SCAF4: variants seen among roughly 807,000 people sequenced by gnomAD.
SCAF4 encodes the protein SR-related CTD associated factor 4.
A neutral mutation model predicts 129.8 loss-of-function variants in SCAF4; 25 were observed. The ratio of observed to expected loss-of-function variants is 0.19; its 90% CI spans 0.14 to 0.27. The LOEUF is 0.27. Among genes scored for constraint, SCAF4 ranks in the 10% least tolerant of loss-of-function variants. SCAF4 has a pLI of 1.00. For missense variants in SCAF4, 1,246 were observed against 1,457.1 expected, an observed-to-expected ratio of 0.86 and a Z score of 2.36; for synonymous variants, 551 against 497.7, an observed-to-expected ratio of 1.11 and a Z score of -1.43.
intron 12 of SCAF4, 107 bp from the exon 13 acceptor site, chr21:31,692,556 C>T (rs2050284266): frequency 2.2e-5 from 15 of 674,720 alleles, no homozygotes; most frequent in Non-Finnish European, 3.8e-5. Flanking sequence ...TATATTACAA[C>T]ACCACAAGTT....
At chr21:31,711,592 T>G (rs2123634258) in intron 1 of SCAF4, among the ~76,000 whole-genome samples, 1 of 152,300 alleles carries the variant, frequency 6.6e-6, no homozygotes, top group East Asian at 1.9e-4. Context: ...GTGGTAAAAT[T>G]CAATCTGTAA....
Position 31,693,326 on chromosome 21 carries a change from C to G in SCAF4, c.1481G>C (p.Gly494Ala). The G allele has an allele frequency of 6.6e-7, 1 of 1,517,746 alleles. No homozygotes were observed. Among genetic ancestry groups the G allele is most frequent in the Non-Finnish European group, 9.0e-7 (1 of 1,117,062 alleles). The allele number at this position is 1,517,746 out of a possible 1,614,324, so 94.0% of individuals were successfully genotyped here. A position where few individuals can be genotyped will look rare whatever the true frequency, so the allele number is the denominator to read the frequency against. The change falls in exon 12 of 20, where the codon GGC (glycine) becomes GCC (alanine). Residue 494 changes from glycine (G) to alanine (A), a missense_variant. This residue lies in a region of SCAF4 where 468 missense variants were observed against 605.5 expected (regional missense o/e 0.77). Transcript: ENST00000286835. ...REKERERRQKGLPQVKPETAS... is the reference protein window; with the variant it reads ...REKERERRQKALPQVKPETAS... ...AGTTTCCGGTTTCACTTGAGGGAGG[C>G]CTTTTTGTCGACGTTCTCTCTCTTT...
rs760844131 is a variant in SCAF4, at chr21:31,685,230, A to G, written c.2307T>C (p.Ala769=). 12 of 1,596,088 alleles carry G rather than the reference A, an allele frequency of 7.5e-6. No homozygotes were observed. The highest frequency in any genetic ancestry group is 1.7e-6 in the Non-Finnish European group (2 of 1,164,950). Residue 769 remains alanine (A), a synonymous_variant, in exon 19 of 20, where the codon GCT becomes GCC. Coordinates refer to ENST00000286835, the MANE Select transcript of SCAF4 (RefSeq NM_020706.2). ...PPISIPNSTI[A]GINEDTTKDL... ...CTTTTGTAGTGTCTTCATTTATACC[A>G]GCGATAGTAGCTAAGGAATATAATT... is the stretch of plus-strand genomic sequence containing the variant.
At position 31,693,380 on chromosome 21, in the gene SCAF4, G is replaced by A. The variant is rs764979793; in HGVS notation, c.1427C>T (p.Ser476Phe). The change falls in exon 12 of 20, where the codon TCT (serine) becomes TTT (phenylalanine). Residue 476 changes from serine to phenylalanine, a missense_variant. By Grantham distance (155) the Ser-to-Phe change is radical (BLOSUM62 -2). Around this residue, in one of 6 missense-constraint regions of SCAF4, gnomAD observed 468 missense variants for 605.5 expected, o/e 0.77. Transcript: ENST00000286835. ...TCGATCCCGTCTTTCTTGAGATCGA[G>A]ATCGGGGAGAATGTCGGCGTCTATC... ...SRDRRRHSPR[S>F]RSQERRDREK... is the part of the protein sequence containing the mutation. 6.3e-7 allele frequency: 1 copy of A among 1,582,994 alleles called. No individual in the cohort carries two copies. Among genetic ancestry groups the A allele is most frequent in the African/African-American group, 1.4e-5 (1 of 74,002 alleles).
intron 4 of SCAF4, among the ~76,000 whole-genome samples, chr21:31,702,587 G>C (rs1178167048): frequency 6.6e-6 from 1 of 151,864 alleles, no homozygotes; most frequent in Non-Finnish European, 1.5e-5. Flanking sequence ...AAGGAACAGA[G>C]ATGGACTATA....
At chr21:31,695,784 A>G (rs1207162431) in intron 9 of SCAF4, among the ~76,000 whole-genome samples, 3 of 152,238 alleles carry the variant, frequency 2.0e-5, no homozygotes, top group Non-Finnish European at 2.9e-5. Flanking sequence ...AGCCCTCTAA[A>G]GTATCTAACC....
chr21:31,704,191 C>T (rs1221763825), intron 3 of SCAF4, among the ~76,000 whole-genome samples: 1 of 151,990 alleles, frequency 6.6e-6, no homozygotes, highest in Non-Finnish European at 1.5e-5. Context: ...GTCCCAAAAT[C>T]GACATTACTT....
chr21:31,726,049 CTTT>C (rs899443141), intron 1 of SCAF4, among the ~76,000 whole-genome samples: 36 of 142,408 alleles, frequency 2.5e-4, no homozygotes, highest in African/African-American at 7.7e-4. Context: ...TGGCCCTTAA[CTTT>C]TTTTTTTTTT....
intron 1 of SCAF4, among the ~76,000 whole-genome samples, chr21:31,723,213 T>C (rs541761757): frequency 1.3e-5 from 2 of 152,260 alleles, no homozygotes; most frequent in East Asian, 1.9e-4. Flanking sequence ...TCAATTTTAA[T>C]AGTCATTGAC....
At chr21:31,692,486 T>C (rs2050282714) in intron 12 of SCAF4, 37 bp from the exon 13 acceptor site, 2 of 1,405,368 alleles carry the variant, frequency 1.4e-6, no homozygotes, top group South Asian at 2.3e-5. Context: ...AGATTCACAT[T>C]TGATAATGAG....
At chr21:31,677,803 T>G (rs112906052) in intron 19 of SCAF4, among the ~76,000 whole-genome samples, 8 of 152,272 alleles carry the variant, frequency 5.3e-5, no homozygotes, top group Non-Finnish European at 1.2e-4. Flanking sequence ...TGGGGCTACC[T>G]TGAATTCTAA....
At chr21:31,677,966 T>C (rs1292907797) in intron 19 of SCAF4, among the ~76,000 whole-genome samples, 6 of 152,214 alleles carry the variant, frequency 3.9e-5, no homozygotes, top group Admixed American at 3.9e-4. Flanking sequence ...CACGTGGAAC[T>C]ATGTCTACCT....
rs1402909086 is a variant in SCAF4, at chr21:31,671,427, G to A, written c.3416C>T (p.Ser1139Phe). The A allele has an allele frequency of 1.2e-6, 2 of 1,613,994 alleles. No individual in the cohort carries two copies. Among genetic ancestry groups the A allele is most frequent in the Non-Finnish European group, 1.7e-6 (2 of 1,179,906 alleles). ...ACGAGGAGCCTCTGCTGCTGAGCCA[G>A]AATCCTTTTCGGGTTCAACGGATGA... is the stretch of plus-strand genomic sequence containing the variant. ...ATSSVEPEKD[S>F]GSAAEAPR The change falls in exon 20 of 20, where the codon TCT (serine) becomes TTT (phenylalanine). Residue 1139 changes from serine to phenylalanine, a missense_variant. By Grantham distance (155) the Ser-to-Phe change is radical. Coordinates refer to ENST00000286835, the MANE Select transcript of SCAF4 (RefSeq NM_020706.2).
At chr21:31,677,816 C>T (rs370822646) in intron 19 of SCAF4, among the ~76,000 whole-genome samples, 39 of 152,262 alleles carry the variant, frequency 2.6e-4, no homozygotes, top group African/African-American at 6.7e-4. Flanking sequence ...AATTCTAACA[C>T]GGCTACTTGT....
rs563639636 is a variant in SCAF4, at chr21:31,713,057, TCTCA to T, written c.31-6704_31-6701del. Among the ~76,000 whole-genome samples, 895 of 152,352 alleles carry T rather than the reference TCTCA, an allele frequency of 5.9e-3. 4 individuals carry two copies. Among genetic ancestry groups the T allele is most frequent in the Non-Finnish European group, 8.6e-3 (584 of 68,028 alleles). On this transcript the variant is annotated intron_variant, in intron 1 of 19. Coordinates refer to ENST00000286835, the MANE Select transcript of SCAF4 (RefSeq NM_020706.2). ...TTTCCATTTATGCATGGTATATTTT[TCTCA>T]CTCTAAAACAAAATGAACTTGTTAG...
intron 7 of SCAF4, among the ~76,000 whole-genome samples, chr21:31,697,971 C>T (rs1448009476): frequency 6.6e-6 from 1 of 152,160 alleles, no homozygotes; most frequent in Admixed American, 6.5e-5. Context: ...AATATTTTTA[C>T]TACCATCTTT....
rs532144591 is a variant in SCAF4, at chr21:31,688,332, G to A, written c.2018C>T (p.Ala673Val). The stretch of plus-strand genomic sequence containing the variant: ...CTGTGGAGGTGGCACTGTTATAGGT[G>A]CAGGAACAGGAATAGGAGGGACAGG... ...PVPVPPIPVP[A>V]PITVPPPQVP... is the part of the protein sequence containing the mutation. The change falls in exon 16 of 20, where the codon GCA becomes GTA. Residue 673 changes from alanine to valine, a missense_variant. Transcript: ENST00000286835. The A allele has an allele frequency of 6.2e-7, 1 of 1,613,556 alleles. No homozygotes were observed. Among genetic ancestry groups the A allele is most frequent in the East Asian group, 2.2e-5 (1 of 44,862 alleles).
rs1199681479 is a variant in SCAF4 at position 31,696,241 on chromosome 21, C to G, written c.960-20G>C. On this transcript the variant is annotated intron_variant, in intron 8 of 19. Coordinates refer to ENST00000286835, the MANE Select transcript of SCAF4 (RefSeq NM_020706.2). ...AAGCCACTAAAAAAAGGTGGATAAT[C>G]TTTTACCCATTCAAAAGCACAAGCT... 4 of 1,586,482 alleles carry G rather than the reference C, an allele frequency of 2.5e-6. No homozygotes were observed. The highest frequency in any genetic ancestry group is 3.5e-6 in the Non-Finnish European group (4 of 1,155,594).
intron 7 of SCAF4, among the ~76,000 whole-genome samples, chr21:31,697,221 G>GA (rs886310670): frequency 2.6e-5 from 4 of 151,266 alleles, no homozygotes; most frequent in Non-Finnish European, 5.9e-5. Context: ...TATAAAAAAA[G>GA]AAAAAAAATG....
Sources: gnomAD v4.1 joint callset for allele counts (sites outside exome capture counted in the v4.1 genomes callset) on GRCh38, gnomAD v4.1.1 for gene constraint, gnomAD v4.1.1 regional missense constraint, MANE v1.5 for transcripts, NCBI Gene and HGNC (gene_info 2026-07-23, HGNC 2026-07-21) for gene names.